Variants in NFIX observed in about 807,000 individuals in gnomAD.
NFIX encodes the protein nuclear factor I X.
Under a neutral mutation model 53.3 loss-of-function variants are expected in NFIX, and 2 were observed. The observed-to-expected ratio is 0.04, with a 90% CI of 0.02 to 0.12. The LOEUF (loss-of-function observed/expected upper bound fraction) is 0.12, where lower values mean the gene tolerates loss of function less well. NFIX is among the 10% of genes least tolerant of loss of function. The pLI is 1.00. For missense variants in NFIX, 310 were observed against 674.5 expected (o/e 0.46, Z 5.99); for synonymous variants, 244 against 289.0 (o/e 0.84, Z 1.58).
At position 13,040,791 on chromosome 19, in the gene NFIX, G is replaced by A. The variant is rs772074337; in HGVS notation, c.559+15239G>A. Among the ~76,000 whole-genome samples the A allele has an allele frequency of 1.5e-4, 23 of 152,286 alleles. No homozygotes were observed. The highest frequency in any genetic ancestry group is 3.1e-4 in the Non-Finnish European group (21 of 68,030). On this transcript the variant is annotated intron_variant, in intron 2 of 10. Coordinates refer to ENST00000592199, the MANE Select transcript of NFIX (RefSeq NM_001365902.3). This position sits in a 1 kb window ranked among gnomAD's most constrained non-coding sequence, Gnocchi z 4.2. ...TCGCGCACACACACAGCCACTTCTC[G>A]AAGCAGATCTTAAAGTTGATTCTGC...
In NFIX at chr19:13,023,975, CTT is replaced by C. The variant is rs1271545395; in HGVS notation, c.28-1043_28-1042del. 7.0e-6 allele frequency: 9 copies of C among 1,284,122 alleles called. No homozygotes were observed. The East Asian group carries it at 2.2e-4, about 32-fold the overall frequency. The allele number at this position is 1,284,122 out of a possible 1,614,324, so 79.5% of individuals were successfully genotyped here. ...CCCCACCCGCCCCCAACTCACAACTCTTTTGAGTCCAGAATCTCAGAATCGGG... is the reference window on the plus strand; with the variant it reads ...CCCCACCCGCCCCCAACTCACAACTCTTGAGTCCAGAATCTCAGAATCGGG... On this transcript the variant is annotated intron_variant, in intron 1 of 10. Coordinates refer to ENST00000592199, the MANE Select transcript of NFIX (RefSeq NM_001365902.3).
chr19:13,070,526 C>T (rs2016710387), intron 2 of NFIX: 1 of 152,624 alleles, frequency 6.6e-6, no homozygotes, highest in Non-Finnish European at 1.5e-5. Flanking sequence ...GCAGGCCTGG[C>T]TCCTGTGCCT....
Position 13,045,135 on chromosome 19 carries a change from C to T in NFIX, c.559+19583C>T, listed in dbSNP as rs560252473. 6.6e-6 allele frequency among the ~76,000 whole-genome samples: 1 copy of T among 152,308 alleles called. No homozygotes were observed. The highest frequency in any genetic ancestry group is 1.9e-4 in the East Asian group (1 of 5,186). On this transcript the variant is annotated intron_variant, in intron 2 of 10. Coordinates refer to ENST00000592199, the MANE Select transcript of NFIX (RefSeq NM_001365902.3). The surrounding 1 kb of genome is among the most constrained non-coding windows in gnomAD (Gnocchi z 4.4). ...AAGGCTGCTTTACTTCTGGACAGGCCTTCACCTGCATAGAATGGAAGAGAC... is the reference window on the plus strand; with the variant it reads ...AAGGCTGCTTTACTTCTGGACAGGCTTTCACCTGCATAGAATGGAAGAGAC...
At chr19:13,076,737 G>T (rs1376969541) in intron 6 of NFIX, among the ~76,000 whole-genome samples, 1 of 152,242 alleles carries the variant, frequency 6.6e-6, no homozygotes, top group African/African-American at 2.4e-5. Flanking sequence ...GGCCAAGTGG[G>T]CAGGCAGAGT....
intron 2 of NFIX, among the ~76,000 whole-genome samples, chr19:13,050,521 T>C (rs1395793522): frequency 6.6e-6 from 1 of 152,182 alleles, no homozygotes; most frequent in East Asian, 1.9e-4. Context: ...TCTGTGTGGT[T>C]CCTGGCGTCT....
chr19:13,075,414 C>T (rs1460782517), intron 5 of NFIX, 121 bp from the exon 6 acceptor site: 6 of 1,092,754 alleles, frequency 5.5e-6, no homozygotes, highest in African/African-American at 4.8e-5. Flanking sequence ...ATGCTGCTGT[C>T]GGCCGGCACC....
chr19:13,011,191 C>T lies in NFIX; in HGVS notation c.28-13830C>T, dbSNP rs890911280. On this transcript the variant is annotated intron_variant, in intron 1 of 10. Coordinates refer to ENST00000592199, the MANE Select transcript of NFIX (RefSeq NM_001365902.3). This position sits in a 1 kb window ranked among gnomAD's most constrained non-coding sequence, Gnocchi z 6.5. Reference sequence around the variant, plus strand: ...CACGTTCTTAAAGACCGGGGACCCCCCCTCCCCCAAGGGCCGGACTGCAGC... The same window carrying T: ...CACGTTCTTAAAGACCGGGGACCCCTCCTCCCCCAAGGGCCGGACTGCAGC... Among the ~76,000 whole-genome samples, 1 of 152,166 alleles carries T rather than the reference C, an allele frequency of 6.6e-6. No homozygotes were observed. Among genetic ancestry groups the T allele is most frequent in the African/African-American group, 2.4e-5 (1 of 41,430 alleles).
At chr19:13,046,134 A>G (rs1476363001) in intron 2 of NFIX, among the ~76,000 whole-genome samples, 1 of 152,132 alleles carries the variant, frequency 6.6e-6, no homozygotes, top group Non-Finnish European at 1.5e-5. Context: ...CCAAAGGGGC[A>G]TCCCTGCAGG....
In NFIX at chr19:13,014,607, C is replaced by A. The variant is rs1452935914; in HGVS notation, c.28-10414C>A. On this transcript the variant is annotated intron_variant, in intron 1 of 10. Coordinates refer to ENST00000592199, the MANE Select transcript of NFIX (RefSeq NM_001365902.3). The surrounding 1 kb of genome is among the most constrained non-coding windows in gnomAD (Gnocchi z 4.4). ...AAATTGAACAGTTCTTTCTTTCCAG[C>A]CCCATATGCAATAGGAAGAGAAAAT... 2 of 152,264 alleles carry A rather than the reference C, an allele frequency of 1.3e-5. No individual in the cohort carries two copies. The highest frequency in any genetic ancestry group is 2.9e-5 in the Non-Finnish European group (2 of 68,050). 9.4% of individuals were successfully genotyped at this position (152,264 alleles called of 1,614,324 possible). A position where few individuals can be genotyped will look rare whatever the true frequency, so the allele number is the denominator to read the frequency against.
At chr19:13,044,814 CTGAG>C (rs1171628912) in intron 2 of NFIX, among the ~76,000 whole-genome samples, 1 of 152,218 alleles carries the variant, frequency 6.6e-6, no homozygotes, top group Non-Finnish European at 1.5e-5. Flanking sequence ...CAGGACTGAG[CTGAG>C]TGAGAGGCAA....
Position 13,094,350 on chromosome 19 carries a change from C to T in NFIX, c.1495-285C>T, listed in dbSNP as rs879564727. Among the ~76,000 whole-genome samples, 2 of 152,222 alleles carry T rather than the reference C, an allele frequency of 1.3e-5. No homozygotes were observed. The highest frequency in any genetic ancestry group is 2.9e-5 in the Non-Finnish European group (2 of 68,032). Reference sequence around the variant, plus strand: ...TGGCCAGATCTCAGGCCTGTGCCAGCGCCAGCCATGGGGGTCCCACCCGCT... The same window carrying T: ...TGGCCAGATCTCAGGCCTGTGCCAGTGCCAGCCATGGGGGTCCCACCCGCT... On this transcript the variant is annotated intron_variant, in intron 10 of 10. Transcript: ENST00000592199. This position sits in a 1 kb window ranked among gnomAD's most constrained non-coding sequence, Gnocchi z 4.3.
rs2015997727 is a variant in NFIX, at chr19:13,060,367, AG to A, written c.560-12679del. 6.6e-6 allele frequency among the ~76,000 whole-genome samples: 1 copy of A among 152,240 alleles called. No homozygotes were observed. The highest frequency in any genetic ancestry group is 2.1e-4 in the South Asian group (1 of 4,834). ...GGCCTATATCTGGAACGGGTGAAGG[AG>A]AGAGCCCGGGAGCCTCACTGTGGGT... On this transcript the variant is annotated intron_variant, in intron 2 of 10. Coordinates refer to ENST00000592199, the MANE Select transcript of NFIX (RefSeq NM_001365902.3). The surrounding 1 kb of genome is among the most constrained non-coding windows in gnomAD (Gnocchi z 4.3).
intron 1 of NFIX, among the ~76,000 whole-genome samples, chr19:13,020,178 A>G (rs6511849): frequency 0.94 from 142,716 of 152,234 alleles, 67,064 homozygotes; most frequent in East Asian, 1. Flanking sequence ...AGGGGAGAAG[A>G]GAAGGAGGCT....
chr19:13,054,345 T>C (rs1223910505), intron 2 of NFIX, among the ~76,000 whole-genome samples: 1 of 152,168 alleles, frequency 6.6e-6, no homozygotes, highest in Non-Finnish European at 1.5e-5. Context: ...ATCAGGCAGA[T>C]TCAATGTCTC....
rs915522470 is a variant in NFIX, at chr19:13,040,195, C to T, written c.559+14643C>T. Reference sequence around the variant, plus strand: ...TCTCAGCCCCTTCCTTCACCCCTGCCCCCGCTGAGTACCTTGTTACAGGGG... The same window carrying T: ...TCTCAGCCCCTTCCTTCACCCCTGCTCCCGCTGAGTACCTTGTTACAGGGG... On this transcript the variant is annotated intron_variant, in intron 2 of 10. Transcript: ENST00000592199. This position sits in a 1 kb window ranked among gnomAD's most constrained non-coding sequence, Gnocchi z 4.2. Among the ~76,000 whole-genome samples the T allele has an allele frequency of 2.6e-5, 4 of 152,226 alleles. No homozygotes were observed. Among genetic ancestry groups the T allele is most frequent in the African/African-American group, 9.6e-5 (4 of 41,458 alleles).
rs1157966190 is a variant in NFIX at position 13,087,774 on chromosome 19, C to CAAAAA, written c.1255-195_1255-191dup. On this transcript the variant is annotated intron_variant, in intron 8 of 10. Coordinates refer to ENST00000592199, the MANE Select transcript of NFIX (RefSeq NM_001365902.3). Reference sequence around the variant, plus strand: ...CCCTCCCACAACTTCAAAAGAGGACCAAAAAAAAAAAAAAAAAAAAAAAAG... The same window carrying CAAAAA: ...CCCTCCCACAACTTCAAAAGAGGACCAAAAAAAAAAAAAAAAAAAAAAAAAAAAAG... Among the ~76,000 whole-genome samples the CAAAAA allele has an allele frequency of 1.1e-3, 30 of 26,388 alleles. 3 individuals carry two copies. The highest frequency in any genetic ancestry group is 3.9e-3 in the African/African-American group (22 of 5,602). 17.3% of individuals were successfully genotyped at this position (26,388 alleles called of 152,430 possible).
intron 2 of NFIX, among the ~76,000 whole-genome samples, chr19:13,071,741 C>G (rs563789208): frequency 2.0e-5 from 3 of 152,320 alleles, no homozygotes; most frequent in African/African-American, 7.2e-5. Flanking sequence ...TACACTAAGG[C>G]AGGCAGCCTG....
At chr19:13,086,676 G>A (rs570412458) in intron 8 of NFIX, among the ~76,000 whole-genome samples, 95 of 152,180 alleles carry the variant, frequency 6.2e-4, no homozygotes, top group Non-Finnish European at 1.1e-3. Flanking sequence ...CTCCTTGAGG[G>A]GGACAGAATT....
intron 2 of NFIX, among the ~76,000 whole-genome samples, chr19:13,044,042 G>T (rs1229210056): frequency 6.6e-6 from 1 of 152,172 alleles, no homozygotes; most frequent in East Asian, 1.9e-4. Flanking sequence ...GGAAGCGTAA[G>T]TGTCTTCAGC....
Sources: allele counts gnomAD v4.1 joint callset (sites outside exome capture counted in the v4.1 genomes callset), GRCh38; gene constraint gnomAD v4.1.1; non-coding constraint Gnocchi (gnomAD v3.1); transcripts MANE v1.5; gene names NCBI Gene and HGNC (gene_info 2026-07-23, HGNC 2026-07-21).